Variants in MAST3 observed in about 807,000 individuals in gnomAD.
The protein encoded by MAST3 is microtubule-associated serine/threonine-protein kinase 3.
Under a neutral mutation model 127.0 loss-of-function variants are expected in MAST3, and 43 were observed. The observed-to-expected ratio is 0.34, with a 90% CI of 0.27 to 0.44. The LOEUF (loss-of-function observed/expected upper bound fraction) is 0.44, where lower values mean the gene tolerates loss of function less well. MAST3 is among the 20% of genes least tolerant of loss of function. MAST3 has a pLI of 1.00. For missense variants in MAST3, 1,390 were observed against 1,919.1 expected (o/e 0.72, Z 5.15); for synonymous variants, 785 against 809.2 (o/e 0.97, Z 0.51).
rs757067594 is a variant in MAST3, at chr19:18,102,567, C to T, written c.39+4736C>T. On this transcript the variant is annotated intron_variant, in intron 1 of 27. Transcript: ENST00000687212. Reference sequence around the variant, plus strand: ...TGTGGTCTTGGCTCACTGCAACCTCCGCCTCCGGGGTTCAAGGGATTCTCC... The same window carrying T: ...TGTGGTCTTGGCTCACTGCAACCTCTGCCTCCGGGGTTCAAGGGATTCTCC... Among the ~76,000 whole-genome samples, 20 of 151,244 alleles carry T rather than the reference C, an allele frequency of 1.3e-4. 1 individual carries two copies. Among genetic ancestry groups the T allele is most frequent in the African/African-American group, 2.2e-4 (9 of 41,070 alleles).
intron 8 of MAST3, 51 bp from the exon 9 acceptor site, chr19:18,123,888 G>C: frequency 9.4e-6 from 14 of 1,494,724 alleles, no homozygotes; most frequent in Non-Finnish European, 1.3e-5. Flanking sequence ...TTCTGCGTGT[G>C]TCACTCCAGC....
rs62123605 is a variant in MAST3, at chr19:18,145,353, T to A, written c.3039+124T>A. The A allele has an allele frequency of 1.2e-6, 1 of 869,094 alleles. No homozygotes were observed. Among genetic ancestry groups the A allele is most frequent in the Admixed American group, 2.0e-5 (1 of 50,382 alleles). The allele number at this position is 869,094 out of a possible 1,614,324, so 53.8% of individuals were successfully genotyped here. On this transcript the variant is annotated intron_variant, in intron 24 of 27. Transcript: ENST00000687212. This position sits in a 1 kb window ranked among gnomAD's most constrained non-coding sequence, Gnocchi z 5.9. ...GGTAGATAGAGCTGGTGCCACCGAG[T>A]TCATCTCGGTCCCTGTCATTTGGCA... is the stretch of plus-strand genomic sequence containing the variant.
Position 18,149,299 on chromosome 19 carries a change from T to G in MAST3, c.3617T>G (p.Leu1206Arg). The G allele has an allele frequency of 6.5e-7, 1 of 1,533,490 alleles. No homozygotes were observed. Among genetic ancestry groups the G allele is most frequent in the Non-Finnish European group, 8.8e-7 (1 of 1,142,264 alleles). 95.0% of individuals were successfully genotyped at this position (1,533,490 alleles called of 1,614,324 possible). ...TCCCTGCACGGCCTGGCTGCCAAGC[T>G]TGGGCCACCCCGCCCCAAGACTGGC... is the stretch of plus-strand genomic sequence containing the variant. Reference protein sequence around the residue: ...PSSLHGLAAKLGPPRPKTGRR... With the variant: ...PSSLHGLAAKRGPPRPKTGRR... Residue 1206 changes from leucine (L) to arginine (R), a missense_variant, in exon 28 of 28, where the codon CTT (leucine) becomes CGT (arginine). Around this residue, in one of 5 missense-constraint regions of MAST3, gnomAD observed 816 missense variants for 934.1 expected, o/e 0.87. Coordinates refer to ENST00000687212, the MANE Select transcript of MAST3 (RefSeq NM_001393504.1). The surrounding 1 kb of genome is among the most constrained non-coding windows in gnomAD (Gnocchi z 5.9).
At position 18,124,000 on chromosome 19, in the gene MAST3, G is replaced by T. The variant is rs35945810; in HGVS notation, c.695G>T (p.Arg232Leu). 6.3e-7 allele frequency: 1 copy of T among 1,593,214 alleles called. No homozygotes were observed. Among genetic ancestry groups the T allele is most frequent in the Non-Finnish European group, 8.5e-7 (1 of 1,171,164 alleles). ...EFLTAYAPGA[R>L]LALADGVLGF... ...CTGACGGCCTACGCGCCCGGCGCCC[G>T]GCTGGCGCTGGCTGATGGCGTCTTG... The change falls in exon 9 of 28, where the codon CGG (arginine) becomes CTG (leucine). Residue 232 changes from arginine to leucine, a missense_variant. Arg to Leu is a moderately radical substitution (Grantham distance 102). This residue lies in a region of MAST3 where 277 missense variants were observed against 384.8 expected (regional missense o/e 0.72). Coordinates refer to ENST00000687212, the MANE Select transcript of MAST3 (RefSeq NM_001393504.1).
rs1226206892 is a variant in MAST3 at position 18,149,370 on chromosome 19, C to T, written c.3688C>T (p.Pro1230Ser). ...CATCCCGCCCTCCCCGCTGGCCTGCCCGCCCATCTCCGCGCCCCCACCCCG... is the reference window on the plus strand; with the variant it reads ...CATCCCGCCCTCCCCGCTGGCCTGCTCGCCCATCTCCGCGCCCCCACCCCG... ...SSIPPSPLAC[P>S]PISAPPPRSP... Residue 1230 changes from proline to serine, a missense_variant, in exon 28 of 28, where the codon CCG (proline) becomes TCG (serine). Physicochemically the swap from Pro to Ser is moderately conservative, Grantham distance 74 (BLOSUM62 -1). Around this residue, in one of 5 missense-constraint regions of MAST3, gnomAD observed 816 missense variants for 934.1 expected, o/e 0.87. Coordinates refer to ENST00000687212, the MANE Select transcript of MAST3 (RefSeq NM_001393504.1). This position sits in a 1 kb window ranked among gnomAD's most constrained non-coding sequence, Gnocchi z 5.9. 2.0e-6 allele frequency: 3 copies of T among 1,491,560 alleles called. No individual in the cohort carries two copies. Among genetic ancestry groups the T allele is most frequent in the South Asian group, 2.5e-5 (2 of 78,466 alleles). The allele number at this position is 1,491,560 out of a possible 1,614,324, so 92.4% of individuals were successfully genotyped here. A position where few individuals can be genotyped will look rare whatever the true frequency, so the allele number is the denominator to read the frequency against.
chr19:18,133,594 G>A (rs61457319), intron 15 of MAST3, among the ~76,000 whole-genome samples: 10 of 121,902 alleles, frequency 8.2e-5, no homozygotes, highest in African/African-American at 2.6e-4. Context: ...TCACTCTGTC[G>A]CCAGGCTGGA....
chr19:18,116,827 C>G (rs1427216362), intron 3 of MAST3, among the ~76,000 whole-genome samples: 1 of 145,788 alleles, frequency 6.9e-6, no homozygotes, highest in Non-Finnish European at 1.5e-5. Context: ...ACAGGAGAAT[C>G]GTTTGAACCC....
intron 3 of MAST3, among the ~76,000 whole-genome samples, chr19:18,120,334 C>T (rs1457802521): frequency 6.6e-6 from 1 of 152,148 alleles, no homozygotes; most frequent in Non-Finnish European, 1.5e-5. Flanking sequence ...CATATCTGGG[C>T]TCCAGGGTGT....
chr19:18,130,750 C>G, intron 14 of MAST3, 48 bp downstream of exon 14: 1 of 1,573,068 alleles, frequency 6.4e-7, no homozygotes, highest in African/African-American at 1.4e-5. Flanking sequence ...GAGCTCACCC[C>G]TCCACGCCTG....
intron 15 of MAST3, 82 bp downstream of exon 15, chr19:18,132,129 A>C: frequency 6.4e-7 from 1 of 1,557,140 alleles, no homozygotes. Context: ...GGATCAGGGC[A>C]GAGCCTCTGA....
chr19:18,128,248 G>A (rs571589879), intron 11 of MAST3, among the ~76,000 whole-genome samples, 152 bp from the exon 12 acceptor site: 7 of 152,288 alleles, frequency 4.6e-5, no homozygotes, highest in South Asian at 4.1e-4. Context: ...CCAGCCTCCC[G>A]GATGTGGCTT....
intron 21 of MAST3, 41 bp downstream of exon 21, chr19:18,142,056 G>A (rs1386554656): frequency 2.2e-6 from 3 of 1,385,498 alleles, no homozygotes; most frequent in African/African-American, 2.9e-5. Flanking sequence ...CAGCTTCCAA[G>A]CCTGCTGGGA....
chr19:18,122,145 AG>A (rs2040058933), intron 5 of MAST3: 13 of 749,370 alleles, frequency 1.7e-5, no homozygotes, highest in Non-Finnish European at 2.1e-5. Context: ...CAACCAGCCC[AG>A]GGGGTGGGGG....
chr19:18,148,130 C>T (rs1329604228), intron 27 of MAST3, among the ~76,000 whole-genome samples: 3 of 152,034 alleles, frequency 2.0e-5, no homozygotes, highest in East Asian at 3.9e-4. Flanking sequence ...GGAGAAACCC[C>T]GTCTGTACTA....
chr19:18,132,750 G>A (rs897530878), intron 15 of MAST3, among the ~76,000 whole-genome samples: 8 of 152,182 alleles, frequency 5.3e-5, no homozygotes, highest in South Asian at 2.1e-4. Context: ...CTCGAGATAC[G>A]AGGCAAGAAC....
At chr19:18,106,966 A>ATTTTTTTTTTT (rs60298417) in intron 1 of MAST3, among the ~76,000 whole-genome samples, 3 of 73,948 alleles carry the variant, frequency 4.1e-5, no homozygotes, top group African/African-American at 6.2e-5. Context: ...ATGCCCAGCA[A>ATTTTTTTTTTT]TTTTTTTTTT....
intron 13 of MAST3, 109 bp from the exon 14 acceptor site, chr19:18,130,385 C>T (rs900660990): frequency 1.0e-6 from 1 of 971,438 alleles, no homozygotes; most frequent in Non-Finnish European, 1.5e-6. Flanking sequence ...AGGTGGAGGG[C>T]ACAGCACAGG....
chr19:18,146,369 G>C (rs958124691), intron 25 of MAST3, among the ~76,000 whole-genome samples: 1 of 152,150 alleles, frequency 6.6e-6, no homozygotes, highest in Non-Finnish European at 1.5e-5. Flanking sequence ...CGCTTGGGCC[G>C]AGGAGGTTGA....
In MAST3 at chr19:18,135,940, G is replaced by A. The variant is rs982527528; in HGVS notation, c.1972+99G>A. On this transcript the variant is annotated intron_variant, in intron 18 of 27. Transcript: ENST00000687212. ...CCCGGGGTAGACAAGAGTTCTACTTGGGAAGCTGCATGGAGGAGGGGGTTT... is the reference window on the plus strand; with the variant it reads ...CCCGGGGTAGACAAGAGTTCTACTTAGGAAGCTGCATGGAGGAGGGGGTTT... 3.4e-6 allele frequency: 3 copies of A among 890,712 alleles called. No homozygotes were observed. In the African/African-American group the frequency reaches 5.0e-5, roughly 15 times the overall value. 55.2% of individuals were successfully genotyped at this position (890,712 alleles called of 1,614,324 possible). A position where few individuals can be genotyped will look rare whatever the true frequency, so the allele number is the denominator to read the frequency against.
Sources: allele counts gnomAD v4.1 joint callset (sites outside exome capture counted in the v4.1 genomes callset), GRCh38; gene constraint gnomAD v4.1.1; regional missense constraint gnomAD v4.1.1; non-coding constraint Gnocchi (gnomAD v3.1); transcripts MANE v1.5; gene names NCBI Gene and HGNC (gene_info 2026-07-23, HGNC 2026-07-21).